Variants in GABRB3 observed in about 807,000 individuals in gnomAD.
GABRB3 encodes the protein gamma-aminobutyric acid type A receptor subunit beta3.
GABRB3 carries 14 observed loss-of-function variants against 52.1 expected under a neutral mutation model. That is an observed-to-expected ratio of 0.27 (90% CI 0.18 to 0.42). The LOEUF (loss-of-function observed/expected upper bound fraction) is 0.42. Among genes scored for constraint, GABRB3 ranks in the 10% least tolerant of loss-of-function variants. GABRB3 has a pLI of 1.00. For missense variants in GABRB3, 307 were observed against 609.1 expected (o/e 0.50, Z 5.22); for synonymous variants, 260 against 232.3 (o/e 1.12, Z -1.08).
intron 6 of GABRB3, among the ~76,000 whole-genome samples, chr15:26,574,982 T>C (rs1165080615): frequency 6.6e-6 from 1 of 152,216 alleles, no homozygotes; most frequent in African/African-American, 2.4e-5. Context: ...TAAGACATGC[T>C]ATCTGACCCA....
chr15:26,600,716 C>T (rs577944643), intron 4 of GABRB3, among the ~76,000 whole-genome samples: 1 of 152,280 alleles, frequency 6.6e-6, no homozygotes, highest in South Asian at 2.1e-4. Flanking sequence ...CTCTGCCTTA[C>T]AGGAATTGCT....
chr15:26,624,847 G>A (rs1566780781), intron 3 of GABRB3: 1 of 985,330 alleles, frequency 1.0e-6, no homozygotes, highest in Admixed American at 6.1e-5. Flanking sequence ...CAAATGCAGG[G>A]TTTTCCTGTT....
chr15:26,675,828 T>C (rs902398148), intron 3 of GABRB3, among the ~76,000 whole-genome samples: 2 of 152,150 alleles, frequency 1.3e-5, no homozygotes, highest in Non-Finnish European at 2.9e-5. Flanking sequence ...ACCAGGCAGA[T>C]GGTAAATGAG....
chr15:26,554,199 A>AG (rs1567097956), intron 8 of GABRB3, among the ~76,000 whole-genome samples: 2 of 80,706 alleles, frequency 2.5e-5, no homozygotes, highest in African/African-American at 8.1e-5. Context: ...TACTATATAT[A>AG]TATATATATA....
chr15:26,685,378 G>A (rs548423986), intron 3 of GABRB3, among the ~76,000 whole-genome samples: 3 of 152,300 alleles, frequency 2.0e-5, no homozygotes, highest in African/African-American at 7.2e-5. Flanking sequence ...ATGGAGGCAC[G>A]AATGGCTGAT....
intron 8 of GABRB3, among the ~76,000 whole-genome samples, chr15:26,554,813 C>G (rs553778888): frequency 8.0e-4 from 122 of 152,226 alleles, no homozygotes; most frequent in African/African-American, 2.7e-3. Context: ...GTTGGGAGAA[C>G]AGAAATAAAA....
In GABRB3 at chr15:26,564,400, C is replaced by A. The variant is rs141764990; in HGVS notation, c.835+3181G>T. On this transcript the variant is annotated intron_variant, in intron 7 of 8. Transcript: ENST00000311550. ...CCCTGGGCAGCAGAAGCATATCATG[C>A]TGAAGCCCACAGAGCAGCCGAGGAG... is the stretch of plus-strand genomic sequence containing the variant. 2.8e-3 allele frequency among the ~76,000 whole-genome samples: 432 copies of A among 152,226 alleles called. 1 individual carries two copies. The highest frequency in any genetic ancestry group is 1.0e-2 in the African/African-American group (414 of 41,556).
intron 3 of GABRB3, among the ~76,000 whole-genome samples, chr15:26,661,036 T>C (rs1396786099): frequency 6.6e-6 from 1 of 152,084 alleles, no homozygotes; most frequent in Non-Finnish European, 1.5e-5. Flanking sequence ...TCCTCGCGCT[T>C]TGGTCTCCCA....
chr15:26,652,561 T>C (rs978965024), intron 3 of GABRB3, among the ~76,000 whole-genome samples: 2 of 152,066 alleles, frequency 1.3e-5, no homozygotes, highest in African/African-American at 4.8e-5. Flanking sequence ...CATAAATGTG[T>C]CCTTAATAAA....
intron 3 of GABRB3, among the ~76,000 whole-genome samples, chr15:26,729,603 A>T (rs1889856754): frequency 6.6e-6 from 1 of 152,166 alleles, no homozygotes; most frequent in East Asian, 1.9e-4. Flanking sequence ...TTCTCTGTGG[A>T]TGTGGAGGGT....
At chr15:26,586,356 T>G (rs188728023) in intron 4 of GABRB3, among the ~76,000 whole-genome samples, 1 of 150,972 alleles carries the variant, frequency 6.6e-6, no homozygotes, top group African/African-American at 2.4e-5. Flanking sequence ...TTGAAATTAC[T>G]GTTTCTTACT....
chr15:26,674,614 G>A (rs8034679), intron 3 of GABRB3, among the ~76,000 whole-genome samples: 110,592 of 151,846 alleles, frequency 0.73, 40,497 homozygotes, highest in Admixed American at 0.8. Flanking sequence ...ATTTAATGAA[G>A]TGAGGGAGAC....
intron 3 of GABRB3, among the ~76,000 whole-genome samples, chr15:26,674,295 G>T (rs1887989791): frequency 6.6e-6 from 1 of 150,976 alleles, no homozygotes; most frequent in Admixed American, 6.6e-5. Flanking sequence ...CAGCTTCCTG[G>T]GAGGCTGAGG....
At chr15:26,733,003 GAA>G (rs35917518) in intron 3 of GABRB3, among the ~76,000 whole-genome samples, 63,780 of 146,628 alleles carry the variant, frequency 0.43, 15,893 homozygotes, top group Admixed American at 0.6. Context: ...GTCTCTAATA[GAA>G]AAAAAAAAAA....
intron 3 of GABRB3, among the ~76,000 whole-genome samples, chr15:26,662,696 C>G (rs1639616017): frequency 6.6e-6 from 1 of 152,132 alleles, no homozygotes; most frequent in African/African-American, 2.4e-5. Context: ...TTCTAATGCA[C>G]AGTGCACAGG....
At chr15:26,698,503 G>T (rs985167943) in intron 3 of GABRB3, among the ~76,000 whole-genome samples, 1 of 151,882 alleles carries the variant, frequency 6.6e-6, no homozygotes, top group Non-Finnish European at 1.5e-5. Flanking sequence ...TGTGACAAGG[G>T]ACCTGCAACA....
chr15:26,731,427 C>A (rs1397010208), intron 3 of GABRB3, among the ~76,000 whole-genome samples: 2 of 152,210 alleles, frequency 1.3e-5, no homozygotes, highest in African/African-American at 2.4e-5. Context: ...GCTTTGCCAG[C>A]TCCATGGACC....
Position 26,672,361 on chromosome 15 carries a change from C to G in GABRB3, c.241-50827G>C, listed in dbSNP as rs185265094. Among the ~76,000 whole-genome samples the G allele has an allele frequency of 1.5e-3, 234 of 152,276 alleles. 2 individuals are homozygous for G. The highest frequency in any genetic ancestry group is 0.01 in the Middle Eastern group (3 of 294). On this transcript the variant is annotated intron_variant, in intron 3 of 8. Transcript: ENST00000311550. ...AGAAGTCAGCGCCACACCCAGACATCGTCACAAGCCACCACATGGCCCATC... is the reference window on the plus strand; with the variant it reads ...AGAAGTCAGCGCCACACCCAGACATGGTCACAAGCCACCACATGGCCCATC...
intron 3 of GABRB3, among the ~76,000 whole-genome samples, chr15:26,672,434 C>T (rs891725608): frequency 2.0e-5 from 3 of 152,208 alleles, no homozygotes; most frequent in Middle Eastern, 3.4e-3. Flanking sequence ...TCTGCTCTTC[C>T]GTAAATGGAG....
Sources: gnomAD v4.1 joint callset for allele counts (sites outside exome capture counted in the v4.1 genomes callset) on GRCh38, gnomAD v4.1.1 for gene constraint, MANE v1.5 for transcripts, NCBI Gene and HGNC (gene_info 2026-07-23, HGNC 2026-07-21) for gene names.